The following BCAS3 variants were observed in gnomAD, a reference collection of about 807,000 sequenced individuals.
The protein encoded by BCAS3 is BCAS3 microtubule associated cell migration factor.
In BCAS3, 53 loss-of-function variants were observed where a neutral mutation model predicts 116.1. That is an observed-to-expected ratio of 0.46 (90% CI 0.37 to 0.57). The LOEUF is 0.57. Ranked by LOEUF, BCAS3 falls within the 20% of genes least tolerant of loss-of-function variation. The probability of loss-of-function intolerance (pLI) is 0.00; values close to 1 mark genes in which losing one functional copy is unlikely to be tolerated. For synonymous variants in BCAS3, 391 were observed against 408.2 expected, an observed-to-expected ratio of 0.96 and a Z score of 0.51; for missense variants, 917 against 1,165.4, an observed-to-expected ratio of 0.79 and a Z score of 3.10.
chr17:61,283,827 A>G (rs377514123), intron 22 of BCAS3, among the ~76,000 whole-genome samples: 5 of 151,830 alleles, frequency 3.3e-5, no homozygotes, highest in Admixed American at 1.3e-4. Flanking sequence ...GCAGTGACGC[A>G]GTCATAGCTC....
intron 22 of BCAS3, among the ~76,000 whole-genome samples, chr17:61,319,515 G>A (rs59532712): frequency 0.33 from 49,559 of 151,258 alleles, 12,175 homozygotes; most frequent in African/African-American, 0.69. Flanking sequence ...ATAATATGTC[G>A]AATGTATTGA....
rs2144060056 is a variant in BCAS3 at position 61,161,289 on chromosome 17, A to T, written c.2425+76725A>T. On this transcript the variant is annotated intron_variant, in intron 22 of 23. Coordinates refer to ENST00000407086, the MANE Select transcript of BCAS3 (RefSeq NM_017679.5). The surrounding 1 kb of genome is among the most constrained non-coding windows in gnomAD (Gnocchi z 4.8). Reference sequence around the variant, plus strand: ...TTTGTTATAAATGTATAATTACAGGAAATATGTGAAAAGTGTTAAATATTT... The same window carrying T: ...TTTGTTATAAATGTATAATTACAGGTAATATGTGAAAAGTGTTAAATATTT... 6.6e-6 allele frequency among the ~76,000 whole-genome samples: 1 copy of T among 152,310 alleles called. No individual in the cohort carries two copies. The highest frequency in any genetic ancestry group is 2.1e-4 in the South Asian group (1 of 4,832).
chr17:60,942,053 T>C (rs116199841), intron 13 of BCAS3, among the ~76,000 whole-genome samples: 4,284 of 141,788 alleles, frequency 0.03, 225 homozygotes, highest in African/African-American at 0.13. Flanking sequence ...TCAAACTTAG[T>C]ATAACTCAGC....
intron 9 of BCAS3, among the ~76,000 whole-genome samples, chr17:60,882,541 C>G (rs1000013020): frequency 2.0e-4 from 30 of 152,126 alleles, no homozygotes; most frequent in African/African-American, 7.2e-4. Context: ...AATGGTCATG[C>G]CTAGGTTCTC....
At chr17:60,969,618 A>T (rs965109772) in intron 14 of BCAS3, among the ~76,000 whole-genome samples, 1 of 152,210 alleles carries the variant, frequency 6.6e-6, no homozygotes, top group Non-Finnish European at 1.5e-5. Flanking sequence ...GAGGAAAAAA[A>T]ATCTAAAAGT....
chr17:60,810,622 C>A, intron 7 of BCAS3: 1 of 698,940 alleles, frequency 1.4e-6, no homozygotes, highest in Non-Finnish European at 2.7e-6. Flanking sequence ...CATCGTTCTG[C>A]AAATCAACAG....
Position 60,994,135 on chromosome 17 carries a change from A to G in BCAS3, c.1486+3900A>G, listed in dbSNP as rs1359240006. Among the ~76,000 whole-genome samples, 1 of 152,108 alleles carries G rather than the reference A, an allele frequency of 6.6e-6. No homozygotes were observed. The highest frequency in any genetic ancestry group is 1.9e-4 in the East Asian group (1 of 5,196). The stretch of plus-strand genomic sequence containing the variant: ...TAACAGTGCTTGTGACACTGTTACC[A>G]ATAGAAAATGCAGAATTACTCATAT... On this transcript the variant is annotated intron_variant, in intron 15 of 23. Coordinates refer to ENST00000407086, the MANE Select transcript of BCAS3 (RefSeq NM_017679.5). This position sits in a 1 kb window ranked among gnomAD's most constrained non-coding sequence, Gnocchi z 4.4.
chr17:60,799,151 T>C (rs1639586319), intron 6 of BCAS3, among the ~76,000 whole-genome samples: 1 of 152,220 alleles, frequency 6.6e-6, no homozygotes, highest in Non-Finnish European at 1.5e-5. Flanking sequence ...CTTTTTAAAA[T>C]AGCAAACCAA....
At chr17:60,758,467 C>T (rs1397831791) in intron 6 of BCAS3, among the ~76,000 whole-genome samples, 2 of 152,006 alleles carry the variant, frequency 1.3e-5, no homozygotes, top group Admixed American at 6.6e-5. Context: ...CTGCAGCCTC[C>T]GCCTTCCGGT....
At chr17:61,384,928 C>A (rs571398644) in intron 23 of BCAS3, among the ~76,000 whole-genome samples, 1 of 152,272 alleles carries the variant, frequency 6.6e-6, no homozygotes, top group African/African-American at 2.4e-5. Flanking sequence ...AGAGGGAAAG[C>A]GCAGGGGAGC....
In BCAS3 at chr17:61,088,752, G is replaced by A. The variant is rs1416525834; in HGVS notation, c.2425+4188G>A. On this transcript the variant is annotated intron_variant, in intron 22 of 23. Coordinates refer to ENST00000407086, the MANE Select transcript of BCAS3 (RefSeq NM_017679.5). The surrounding 1 kb of genome is among the most constrained non-coding windows in gnomAD (Gnocchi z 4.2). Reference sequence around the variant, plus strand: ...TTGTGGTTTTACTATGGAGATGGATGTTTACTAACAAAGAACTCAGATAAT... The same window carrying A: ...TTGTGGTTTTACTATGGAGATGGATATTTACTAACAAAGAACTCAGATAAT... Among the ~76,000 whole-genome samples, 1 of 152,228 alleles carries A rather than the reference G, an allele frequency of 6.6e-6. No individual in the cohort carries two copies. Among genetic ancestry groups the A allele is most frequent in the African/African-American group, 2.4e-5 (1 of 41,472 alleles).
rs58534592 is a variant in BCAS3 at position 61,105,777 on chromosome 17, G to A, written c.2425+21213G>A. Among the ~76,000 whole-genome samples the A allele has an allele frequency of 6.0e-5, 9 of 150,268 alleles. No individual in the cohort carries two copies. Among genetic ancestry groups the A allele is most frequent in the African/African-American group, 9.8e-5 (4 of 40,886 alleles). ...TTGCTTTAAGTGTTGGGAGAAAATG[G>A]AAAAAAAAAAGTTAGAGCTTTAGTA... On this transcript the variant is annotated intron_variant, in intron 22 of 23. Coordinates refer to ENST00000407086, the MANE Select transcript of BCAS3 (RefSeq NM_017679.5). The surrounding 1 kb of genome is among the most constrained non-coding windows in gnomAD (Gnocchi z 4.3).
Position 61,186,191 on chromosome 17 carries a change from A to C in BCAS3, c.2425+101627A>C, listed in dbSNP as rs957185690. On this transcript the variant is annotated intron_variant, in intron 22 of 23. Transcript: ENST00000407086. The surrounding 1 kb of genome is among the most constrained non-coding windows in gnomAD (Gnocchi z 4.9). ...TTATATATTCATACACATTCTATAA[A>C]ATCATTTTTAACCCGTATGTTAAGG... Among the ~76,000 whole-genome samples, 3 of 152,270 alleles carry C rather than the reference A, an allele frequency of 2.0e-5. No individual in the cohort carries two copies. Among genetic ancestry groups the C allele is most frequent in the Non-Finnish European group, 4.4e-5 (3 of 68,006 alleles).
chr17:61,288,635 G>C (rs1387361486), intron 22 of BCAS3, among the ~76,000 whole-genome samples: 1 of 152,174 alleles, frequency 6.6e-6, no homozygotes, highest in Non-Finnish European at 1.5e-5. Context: ...TTTCTTGTCT[G>C]ACTGATAGAG....
At chr17:61,045,882 TA>T (rs1469585981) in intron 19 of BCAS3, among the ~76,000 whole-genome samples, 1 of 44,468 alleles carries the variant, frequency 2.2e-5, no homozygotes, top group East Asian at 5.8e-4. Flanking sequence ...TATAAATATA[TA>T]TTATATATAT....
intron 5 of BCAS3, among the ~76,000 whole-genome samples, chr17:60,726,177 G>A (rs1384667705): frequency 6.7e-6 from 1 of 149,954 alleles, no homozygotes; most frequent in East Asian, 2.0e-4. Context: ...TTACAGGCGT[G>A]AGCCACTGCT....
chr17:61,192,891 T>C (rs999217546), intron 22 of BCAS3, among the ~76,000 whole-genome samples: 2 of 152,138 alleles, frequency 1.3e-5, no homozygotes, highest in African/African-American at 4.8e-5. Flanking sequence ...TGATGTGGAG[T>C]TGTTCGCTGG....
Position 61,327,554 on chromosome 17 carries a change from G to A in BCAS3, c.2426-40773G>A, listed in dbSNP as rs2055839543. 1.3e-5 allele frequency among the ~76,000 whole-genome samples: 2 copies of A among 151,958 alleles called. No individual in the cohort carries two copies. The highest frequency in any genetic ancestry group is 4.8e-5 in the African/African-American group (2 of 41,356). On this transcript the variant is annotated intron_variant, in intron 22 of 23. Coordinates refer to ENST00000407086, the MANE Select transcript of BCAS3 (RefSeq NM_017679.5). The surrounding 1 kb of genome is among the most constrained non-coding windows in gnomAD (Gnocchi z 5.9). ...GAGTCTCACTCTGTCACCCAGGCTG[G>A]AGAGTAGTGTAGTGTCACAGTCTTG...
intron 7 of BCAS3, among the ~76,000 whole-genome samples, chr17:60,826,237 G>A (rs528167350): frequency 2.6e-5 from 4 of 151,900 alleles, no homozygotes; most frequent in East Asian, 3.9e-4. Context: ...AGGCTGGAGC[G>A]CAGCGGTGTA....
Sources: allele counts gnomAD v4.1 joint callset (sites outside exome capture counted in the v4.1 genomes callset), GRCh38; gene constraint gnomAD v4.1.1; non-coding constraint Gnocchi (gnomAD v3.1); transcripts MANE v1.5; gene names NCBI Gene and HGNC (gene_info 2026-07-23, HGNC 2026-07-21).